The following FBXL7 variants were observed in gnomAD, a reference collection of about 807,000 sequenced individuals.
FBXL7 encodes the protein F-box and leucine rich repeat protein 7.
A neutral mutation model predicts 38.3 loss-of-function variants in FBXL7; 12 were observed. The ratio of observed to expected loss-of-function variants is 0.31; its 90% CI spans 0.20 to 0.51. The LOEUF is 0.51. Among genes scored for constraint, FBXL7 ranks in the 20% least tolerant of loss-of-function variants. The pLI, the probability that FBXL7 is intolerant of heterozygous loss-of-function variation, is 0.98. For synonymous variants in FBXL7, 297 were observed against 300.9 expected, an observed-to-expected ratio of 0.99 and a Z score of 0.13; for missense variants, 567 against 676.4, an observed-to-expected ratio of 0.84 and a Z score of 1.79.
intron 2 of FBXL7, among the ~76,000 whole-genome samples, chr5:15,742,475 A>T (rs1735917193): frequency 6.6e-6 from 1 of 152,210 alleles, no homozygotes; most frequent in South Asian, 2.1e-4. Flanking sequence ...CCCTACCCCC[A>T]GAACAGTGTA....
chr5:15,774,689 T>G (rs1736816074), intron 2 of FBXL7, among the ~76,000 whole-genome samples: 1 of 152,226 alleles, frequency 6.6e-6, no homozygotes, highest in Admixed American at 6.5e-5. Flanking sequence ...TGATATAAGC[T>G]TAAAATTAAA....
At chr5:15,929,638 A>G (rs75654920) in intron 3 of FBXL7, among the ~76,000 whole-genome samples, 3 of 151,876 alleles carry the variant, frequency 2.0e-5, no homozygotes, top group Admixed American at 1.3e-4. Context: ...AAAAAAAAAA[A>G]AAAAAAAGAA....
chr5:15,555,778 GTAGATGAGATAGATAGA>G (rs1738208419), intron 1 of FBXL7, among the ~76,000 whole-genome samples: 1 of 134,874 alleles, frequency 7.4e-6, no homozygotes, highest in African/African-American at 3.0e-5. Flanking sequence ...GTGGAGAAGG[GTAGATGAGATAGATAGA>G]TAGATAGATA....
At position 15,720,306 on chromosome 5, in the gene FBXL7, G is replaced by A. The variant is rs889735826; in HGVS notation, c.127+104234G>A. The stretch of plus-strand genomic sequence containing the variant: ...GAAAACATTATTCAAGGATCAGGTG[G>A]AAGAGGATAGTGGAAAGGACTGAGG... On this transcript the variant is annotated intron_variant, in intron 2 of 3. Transcript: ENST00000504595. Among the ~76,000 whole-genome samples, 4 of 148,590 alleles carry A rather than the reference G, an allele frequency of 2.7e-5. 1 individual carries two copies. The highest frequency in any genetic ancestry group is 4.9e-5 in the African/African-American group (2 of 40,750).
At chr5:15,709,790 T>G (rs537846418) in intron 2 of FBXL7, among the ~76,000 whole-genome samples, 1 of 152,332 alleles carries the variant, frequency 6.6e-6, no homozygotes, top group East Asian at 1.9e-4. Flanking sequence ...ATCAAGGTGC[T>G]GGCAGATTTG....
intron 2 of FBXL7, among the ~76,000 whole-genome samples, chr5:15,902,356 C>T (rs1250838905): frequency 6.6e-6 from 1 of 152,224 alleles, no homozygotes; most frequent in Non-Finnish European, 1.5e-5. Context: ...TCCACACAGT[C>T]ATTACTATTA....
intron 2 of FBXL7, among the ~76,000 whole-genome samples, chr5:15,722,342 T>C (rs1744220309): frequency 6.6e-6 from 1 of 152,214 alleles, no homozygotes; most frequent in South Asian, 2.1e-4. Context: ...GCCACCTATA[T>C]TGTCCTATAC....
rs7709889 is a variant in FBXL7, at chr5:15,845,966, C to T, written c.128-81924C>T. 3.8e-3 allele frequency among the ~76,000 whole-genome samples: 580 copies of T among 152,108 alleles called. 1 individual carries two copies. The highest frequency in any genetic ancestry group is 6.1e-3 in the Non-Finnish European group (415 of 68,006). ...CAGCCTGGGCAACAGAGCGAGACTC[C>T]GTCTCAAAAAATAAAAATAAAAATA... On this transcript the variant is annotated intron_variant, in intron 2 of 3. Coordinates refer to ENST00000504595, the MANE Select transcript of FBXL7 (RefSeq NM_012304.5).
chr5:15,799,722 T>G (rs1737511742), intron 2 of FBXL7, among the ~76,000 whole-genome samples: 1 of 152,088 alleles, frequency 6.6e-6, no homozygotes, highest in Non-Finnish European at 1.5e-5. Flanking sequence ...TTCAAAAGCT[T>G]GAGGAAAATT....
At chr5:15,719,485 G>T (rs1447950944) in intron 2 of FBXL7, among the ~76,000 whole-genome samples, 2 of 148,506 alleles carry the variant, frequency 1.3e-5, no homozygotes, top group South Asian at 4.4e-4. Flanking sequence ...AGCTAAATTA[G>T]CAAGTGATCG....
chr5:15,880,281 T>A (rs1170931040), intron 2 of FBXL7, among the ~76,000 whole-genome samples: 1 of 43,200 alleles, frequency 2.3e-5, no homozygotes, highest in Non-Finnish European at 4.3e-5. Context: ...CGCCCTGAGC[T>A]GGCCATAGCT....
chr5:15,752,505 A>G (rs1736180874), intron 2 of FBXL7, among the ~76,000 whole-genome samples: 1 of 152,158 alleles, frequency 6.6e-6, no homozygotes, highest in South Asian at 2.1e-4. Flanking sequence ...TTCTCAGTGC[A>G]TTTTATTTTA....
chr5:15,747,523 C>A (rs1477320174), intron 2 of FBXL7, among the ~76,000 whole-genome samples: 1 of 152,192 alleles, frequency 6.6e-6, no homozygotes, highest in Non-Finnish European at 1.5e-5. Flanking sequence ...CCAACCATTT[C>A]TGTGTATTAG....
chr5:15,553,524 C>T (rs932494256), intron 1 of FBXL7, among the ~76,000 whole-genome samples: 1 of 152,158 alleles, frequency 6.6e-6, no homozygotes, highest in African/African-American at 2.4e-5. Context: ...GGGATACTAT[C>T]GGGAATTTCT....
At chr5:15,726,597 G>A (rs559788310) in intron 2 of FBXL7, among the ~76,000 whole-genome samples, 5 of 151,758 alleles carry the variant, frequency 3.3e-5, no homozygotes, top group East Asian at 1.9e-4. Flanking sequence ...AGGCTAAGGT[G>A]GAAGAATCAC....
At chr5:15,635,349 G>A (rs1429253159) in intron 2 of FBXL7, among the ~76,000 whole-genome samples, 2 of 152,102 alleles carry the variant, frequency 1.3e-5, no homozygotes, top group Non-Finnish European at 2.9e-5. Context: ...CCTATATATG[G>A]TTGCTCAGGG....
chr5:15,674,854 G>C (rs1366454440), intron 2 of FBXL7, among the ~76,000 whole-genome samples: 1 of 152,150 alleles, frequency 6.6e-6, no homozygotes, highest in Non-Finnish European at 1.5e-5. Context: ...GAAAATTGTT[G>C]TTTGACCTGA....
At chr5:15,625,360 A>C (rs145415547) in intron 2 of FBXL7, among the ~76,000 whole-genome samples, 1 of 152,296 alleles carries the variant, frequency 6.6e-6, no homozygotes, top group African/African-American at 2.4e-5. Context: ...CTTTAAAAAA[A>C]ACTGAGCCAC....
chr5:15,707,063 G>A (rs1388384662), intron 2 of FBXL7, among the ~76,000 whole-genome samples: 3 of 151,576 alleles, frequency 2.0e-5, no homozygotes, highest in African/African-American at 7.3e-5. Flanking sequence ...GGAACTGTGA[G>A]TGAATTCTTC....
Sources: allele counts gnomAD v4.1 joint callset (sites outside exome capture counted in the v4.1 genomes callset), GRCh38; gene constraint gnomAD v4.1.1; transcripts MANE v1.5; gene names NCBI Gene and HGNC (gene_info 2026-07-23, HGNC 2026-07-21).